KCNB2: variants seen among roughly 807,000 people sequenced by gnomAD.
The protein encoded by KCNB2 is potassium voltage-gated channel subfamily B member 2.
Under a neutral mutation model 61.5 loss-of-function variants are expected in KCNB2, and 15 were observed. The ratio of observed to expected loss-of-function variants is 0.24; its 90% confidence interval spans 0.16 to 0.38. The LOEUF is 0.38. Among genes scored for constraint, KCNB2 ranks in the 10% least tolerant of loss-of-function variants. The probability of loss-of-function intolerance (pLI) is 1.00; values close to 1 mark genes in which losing one functional copy is unlikely to be tolerated. For missense variants in KCNB2, 828 were observed against 1,125.2 expected (o/e 0.74, Z 3.78); for synonymous variants, 457 against 446.0 (o/e 1.02, Z -0.31).
chr8:72,886,939 C>T (rs917301250), intron 2 of KCNB2, among the ~76,000 whole-genome samples: 2 of 152,182 alleles, frequency 1.3e-5, no homozygotes, highest in African/African-American at 4.8e-5. Context: ...GGCACATGTT[C>T]CCTCAGCTAG....
At chr8:72,934,465 G>A (rs1168748954) in intron 2 of KCNB2, among the ~76,000 whole-genome samples, 1 of 148,720 alleles carries the variant, frequency 6.7e-6, no homozygotes, top group Non-Finnish European at 1.5e-5. Flanking sequence ...GAATAACCCA[G>A]AAGTGGAGAA....
chr8:72,637,170 A>G (rs1157986266), intron 2 of KCNB2, among the ~76,000 whole-genome samples: 3 of 152,184 alleles, frequency 2.0e-5, no homozygotes, highest in Admixed American at 2.0e-4. Context: ...GTTTCTGCTA[A>G]CAATAACCAA....
intron 2 of KCNB2, among the ~76,000 whole-genome samples, chr8:72,773,533 C>T (rs1808597212): frequency 6.6e-6 from 1 of 152,160 alleles, no homozygotes; most frequent in Non-Finnish European, 1.5e-5. Context: ...TCCAGAATTT[C>T]TCCATGGTGG....
chr8:72,937,358 A>G lies in KCNB2; in HGVS notation c.2003A>G (p.Glu668Gly). ...CCTGCTGCCAGGGATGGCACGCTGG[A>G]GTATGCCCCAGTTGACATAACTGTG... The part of the protein sequence containing the change: ...KGPAARDGTL[E>G]YAPVDITVNL... Residue 668 changes from glutamate (E) to glycine (G), a missense_variant, in exon 3 of 3, where the codon GAG becomes GGG. Transcript: ENST00000523207. 6.2e-7 allele frequency: 1 copy of G among 1,614,050 alleles called. No homozygotes were observed. The highest frequency in any genetic ancestry group is 8.5e-7 in the Non-Finnish European group (1 of 1,180,008).
intron 2 of KCNB2, among the ~76,000 whole-genome samples, chr8:72,927,792 C>T: frequency 6.6e-6 from 1 of 152,206 alleles, no homozygotes; most frequent in East Asian, 1.9e-4. Context: ...CCCTATGTGT[C>T]ATGCCTCTTT....
In KCNB2 at chr8:72,914,865, GT is replaced by G. The variant is rs548316134; in HGVS notation, c.580-21068del. On this transcript the variant is annotated intron_variant, in intron 2 of 2. Coordinates refer to ENST00000523207, the MANE Select transcript of KCNB2 (RefSeq NM_004770.3). ...TCAGACATATCCTGACGATTGAGGA[GT>G]TGTAATCCAGCAGGAAAGATAAGAT... 8.6e-5 allele frequency among the ~76,000 whole-genome samples: 13 copies of G among 151,664 alleles called. No homozygotes were observed. The South Asian group carries it at 2.5e-3, about 29-fold the overall frequency.
At chr8:72,575,647 C>T (rs1260342550) in intron 2 of KCNB2, among the ~76,000 whole-genome samples, 2 of 152,018 alleles carry the variant, frequency 1.3e-5, no homozygotes, top group Non-Finnish European at 2.9e-5. Flanking sequence ...CAGCTTTGGG[C>T]ACTTTATTAA....
chr8:72,724,903 T>A (rs550088691), intron 2 of KCNB2, among the ~76,000 whole-genome samples: 2 of 152,302 alleles, frequency 1.3e-5, no homozygotes, highest in East Asian at 3.9e-4. Flanking sequence ...CTGATAATAA[T>A]ATTTTTTATT....
chr8:72,762,045 T>G (rs2128996526), intron 2 of KCNB2, among the ~76,000 whole-genome samples: 1 of 152,338 alleles, frequency 6.6e-6, no homozygotes, highest in African/African-American at 2.4e-5. Flanking sequence ...GGTTTAGAGA[T>G]ACTTGTATTT....
chr8:72,633,690 C>T (rs905273465), intron 2 of KCNB2, among the ~76,000 whole-genome samples: 4 of 152,156 alleles, frequency 2.6e-5, no homozygotes. Flanking sequence ...CTTTCTATTG[C>T]AGAGTTGGCA....
intron 2 of KCNB2, among the ~76,000 whole-genome samples, chr8:72,814,535 C>G (rs1392735715): frequency 2.6e-5 from 4 of 152,076 alleles, no homozygotes; most frequent in Non-Finnish European, 4.4e-5. Flanking sequence ...CCATGCTGTG[C>G]AATCCACAAA....
chr8:72,739,208 A>C (rs1402234135), intron 2 of KCNB2, among the ~76,000 whole-genome samples: 2 of 151,818 alleles, frequency 1.3e-5, no homozygotes, highest in Non-Finnish European at 2.9e-5. Flanking sequence ...CTGGAAGAAA[A>C]TCTGCCTACC....
intron 2 of KCNB2, among the ~76,000 whole-genome samples, chr8:72,918,885 A>G (rs889300766): frequency 7.9e-5 from 12 of 152,206 alleles, no homozygotes; most frequent in African/African-American, 2.9e-4. Flanking sequence ...GATTCCCGGC[A>G]TATACAAAAC....
intron 2 of KCNB2, among the ~76,000 whole-genome samples, chr8:72,735,718 G>A (rs925763259): frequency 2.6e-5 from 4 of 152,138 alleles, no homozygotes; most frequent in African/African-American, 4.8e-5. Flanking sequence ...GGAGCAGTAG[G>A]GCACAGTTTG....
At chr8:72,927,646 A>G (rs117506996) in intron 2 of KCNB2, among the ~76,000 whole-genome samples, 2,465 of 152,296 alleles carry the variant, frequency 0.016, 33 homozygotes, top group Non-Finnish European at 0.023. Flanking sequence ...GGCTCTCGCA[A>G]TTGGTTGTGC....
At chr8:72,753,963 T>C (rs1175491958) in intron 2 of KCNB2, among the ~76,000 whole-genome samples, 1 of 152,072 alleles carries the variant, frequency 6.6e-6, no homozygotes, top group Admixed American at 6.6e-5. Context: ...TTGCACCTGT[T>C]GGGTGAGGGG....
At chr8:72,758,140 G>T (rs1174694909) in intron 2 of KCNB2, among the ~76,000 whole-genome samples, 1 of 152,306 alleles carries the variant, frequency 6.6e-6, no homozygotes, top group East Asian at 1.9e-4. Context: ...TGAGCAAAAG[G>T]GGGCAGGAGT....
intron 2 of KCNB2, among the ~76,000 whole-genome samples, chr8:72,664,114 G>C (rs1463722108): frequency 6.6e-6 from 1 of 152,176 alleles, no homozygotes; most frequent in African/African-American, 2.4e-5. Context: ...TGATTCACCT[G>C]GGCTTTCAAA....
intron 2 of KCNB2, among the ~76,000 whole-genome samples, chr8:72,669,557 T>TA (rs931426228): frequency 3.3e-5 from 5 of 152,196 alleles, no homozygotes; most frequent in African/African-American, 4.8e-5. Flanking sequence ...TTTTGAAATT[T>TA]AAAAAAAACC....
Sources: allele counts gnomAD v4.1 joint callset (sites outside exome capture counted in the v4.1 genomes callset), GRCh38; gene constraint gnomAD v4.1.1; transcripts MANE v1.5; gene names NCBI Gene and HGNC (gene_info 2026-07-23, HGNC 2026-07-21).